The following JMJD1C variants were observed in gnomAD, a reference collection of about 807,000 sequenced individuals.
JMJD1C encodes the protein jumonji domain-containing protein 1C.
In JMJD1C, 31 loss-of-function variants were observed where a neutral mutation model predicts 245.3. That is an observed-to-expected ratio of 0.13 (90% CI 0.09 to 0.17). The LOEUF (loss-of-function observed/expected upper bound fraction) is 0.17. JMJD1C is among the 10% of genes least tolerant of loss of function. The pLI is 1.00. For missense variants in JMJD1C, 2,691 were observed against 3,000.2 expected (o/e 0.90, Z 2.41); for synonymous variants, 1,057 against 1,017.4 (o/e 1.04, Z -0.74).
intron 3 of JMJD1C, among the ~76,000 whole-genome samples, chr10:63,253,200 G>A (rs976894267): frequency 3.9e-5 from 6 of 152,148 alleles, no homozygotes; most frequent in African/African-American, 1.2e-4. Flanking sequence ...TGATACTTGC[G>A]TAAGGACAGA....
intron 1 of JMJD1C, among the ~76,000 whole-genome samples, chr10:63,382,292 C>T (rs1024128949): frequency 2.0e-5 from 3 of 152,140 alleles, no homozygotes; most frequent in African/African-American, 7.2e-5. Context: ...TTCCTTCTGT[C>T]TCTGTCACAG....
At chr10:63,315,731 T>C (rs920712235) in intron 2 of JMJD1C, among the ~76,000 whole-genome samples, 7 of 151,276 alleles carry the variant, frequency 4.6e-5, no homozygotes, top group East Asian at 1.9e-4. Context: ...TCCCAGCTAC[T>C]TGGGAGGCTG....
chr10:63,369,042 A>C (rs1272685458), intron 2 of JMJD1C, among the ~76,000 whole-genome samples: 1 of 152,144 alleles, frequency 6.6e-6, no homozygotes, highest in African/African-American at 2.4e-5. Flanking sequence ...ATGATGGAAA[A>C]TGAATAGCCT....
chr10:63,170,328 C>A (rs76340183), intron 24 of JMJD1C, among the ~76,000 whole-genome samples: 7 of 152,244 alleles, frequency 4.6e-5, no homozygotes, highest in Admixed American at 6.5e-5. Context: ...ATGCCTTATA[C>A]CTTTCTGTTG....
intron 1 of JMJD1C, among the ~76,000 whole-genome samples, chr10:63,389,454 TC>T (rs1344269525): frequency 5.5e-5 from 8 of 146,306 alleles, no homozygotes; most frequent in Non-Finnish European, 1.1e-4. Flanking sequence ...CTTTTTTTTT[TC>T]CTTTTTTTTT....
chr10:63,326,489 C>T (rs916709004), intron 2 of JMJD1C, among the ~76,000 whole-genome samples: 6 of 152,086 alleles, frequency 3.9e-5, no homozygotes, highest in Non-Finnish European at 1.5e-5. Context: ...TTATAAGATA[C>T]TGCCTATAAA....
intron 19 of JMJD1C, 46 bp downstream of exon 19, chr10:63,186,169 T>C: frequency 1.5e-6 from 2 of 1,370,994 alleles, no homozygotes; most frequent in South Asian, 1.2e-5. Flanking sequence ...ATTTATCATT[T>C]TGAAGGAGTA....
intron 20 of JMJD1C, 124 bp downstream of exon 20, chr10:63,185,439 G>T: frequency 1.4e-6 from 1 of 694,372 alleles, no homozygotes; most frequent in Non-Finnish European, 2.6e-6. Flanking sequence ...TCAGCCTCAA[G>T]TTATTTATTT....
At chr10:63,295,996 T>TA (rs1859364639) in intron 2 of JMJD1C, among the ~76,000 whole-genome samples, 1 of 56,724 alleles carries the variant, frequency 1.8e-5, no homozygotes, top group Non-Finnish European at 3.5e-5. Flanking sequence ...TGTGTGTGTG[T>TA]GTGTGTGTAT....
At position 63,465,239 on chromosome 10, in the gene JMJD1C, T is replaced by C. The variant is rs1026357698; in HGVS notation, c.168+256A>G. On this transcript the variant is annotated intron_variant, in intron 1 of 25. Transcript: ENST00000399262. The stretch of plus-strand genomic sequence containing the variant: ...ACAGCGGGGAGCCGCGGTCGACCCC[T>C]CCGGGATGGGGGCCAGGGCAGCCTC... The C allele has an allele frequency of 5.6e-5, 24 of 430,118 alleles. No individual in the cohort carries two copies. In the East Asian group the frequency reaches 8.5e-4, roughly 15 times the overall value. 26.6% of individuals were successfully genotyped at this position (430,118 alleles called of 1,614,324 possible). A position where few individuals can be genotyped will look rare whatever the true frequency, so the allele number is the denominator to read the frequency against.
In JMJD1C at chr10:63,198,716, C is replaced by T. The variant is rs1845705936; in HGVS notation, c.5288G>A (p.Ser1763Asn). ...RFYYFRRLSF[S>N]KNGVVRIDGF... ...ATCTATTCTAACTACTCCGTTTTTA[C>T]TAAATGACAACCTGAAATATTAAAA... The change falls in exon 12 of 26, where the codon AGT (serine) becomes AAT (asparagine). Residue 1763 changes from serine to asparagine, a missense_variant. Ser to Asn is a conservative substitution (Grantham distance 46, BLOSUM62 1). Coordinates refer to ENST00000399262, the MANE Select transcript of JMJD1C (RefSeq NM_032776.3). The T allele has an allele frequency of 6.3e-7, 1 of 1,587,848 alleles. No homozygotes were observed. Among genetic ancestry groups the T allele is most frequent in the Non-Finnish European group, 8.6e-7 (1 of 1,166,100 alleles).
chr10:63,438,020 T>TA (rs1032036109), intron 1 of JMJD1C, among the ~76,000 whole-genome samples: 72 of 152,328 alleles, frequency 4.7e-4, no homozygotes, highest in Non-Finnish European at 6.0e-4. Flanking sequence ...CTGATAGCTT[T>TA]AAATGCCATT....
intron 1 of JMJD1C, among the ~76,000 whole-genome samples, chr10:63,463,818 T>G (rs904938333): frequency 1.3e-5 from 2 of 152,180 alleles, no homozygotes; most frequent in Non-Finnish European, 2.9e-5. Context: ...AGGAAACATT[T>G]CTATCACCTG....
At chr10:63,481,959 T>G (rs1443867849) in intron 1 of JMJD1C, among the ~76,000 whole-genome samples, 1 of 152,194 alleles carries the variant, frequency 6.6e-6, no homozygotes, top group African/African-American at 2.4e-5. Context: ...CATCTAGATG[T>G]ATGACGAACT....
At chr10:63,348,931 T>C (rs1944089410) in intron 2 of JMJD1C, among the ~76,000 whole-genome samples, 1 of 151,518 alleles carries the variant, frequency 6.6e-6, no homozygotes, top group African/African-American at 2.4e-5. Flanking sequence ...TGAAACCCCG[T>C]CTCTACTAAA....
In JMJD1C at chr10:63,207,157, A is replaced by C. The variant is rs1846726493; in HGVS notation, c.4512T>G (p.Pro1504=). 2 of 1,614,078 alleles carry C rather than the reference A, an allele frequency of 1.2e-6. No homozygotes were observed. The highest frequency in any genetic ancestry group is 3.3e-5 in the Admixed American group (2 of 60,010). ...AAAGTGTCTGATTTTTTATAGCATT[A>C]GGTTCAGTCTCACTGGCATTACTAC... ...YKSSNASETE[P]NAIKNQTLSA... is the part of the protein sequence containing the mutation. Residue 1504 remains proline (P), a synonymous_variant, in exon 10 of 26, where the codon CCT becomes CCG. Coordinates refer to ENST00000399262, the MANE Select transcript of JMJD1C (RefSeq NM_032776.3).
intron 3 of JMJD1C, among the ~76,000 whole-genome samples, chr10:63,232,399 A>G (rs1850139743): frequency 6.6e-6 from 1 of 152,234 alleles, no homozygotes; most frequent in African/African-American, 2.4e-5. Context: ...CAATGACAAC[A>G]TAATTTACTT....
rs144284347 is a variant in JMJD1C at position 63,393,223 on chromosome 10, G to A, written c.169-12741C>T. On this transcript the variant is annotated intron_variant, in intron 1 of 25. Transcript: ENST00000399262. ...GATGAGGCTGAAGTGACCTGTGATC[G>A]CACCACTGTACTCCAGCCTGGGCAA... Among the ~76,000 whole-genome samples the A allele has an allele frequency of 1.6e-3, 251 of 152,142 alleles. 2 individuals are homozygous for A. In the Middle Eastern group the frequency reaches 0.017, roughly 10 times the overall value.
chr10:63,371,522 T>A (rs9414800), intron 2 of JMJD1C, among the ~76,000 whole-genome samples: 21,390 of 152,210 alleles, frequency 0.14, 2,208 homozygotes, highest in East Asian at 0.35. Flanking sequence ...CTTTCATTTT[T>A]TTAATCTGCA....
Sources: gnomAD v4.1 joint callset for allele counts (sites outside exome capture counted in the v4.1 genomes callset) on GRCh38, gnomAD v4.1.1 for gene constraint, MANE v1.5 for transcripts, NCBI Gene and HGNC (gene_info 2026-07-23, HGNC 2026-07-21) for gene names.